CSMD1: variants seen among roughly 807,000 people sequenced by gnomAD.
CSMD1 encodes CUB and Sushi multiple domains 1.
CSMD1 carries 213 observed loss-of-function variants against 417.5 expected under a neutral mutation model. The ratio of observed to expected loss-of-function variants is 0.51; its 90% CI spans 0.46 to 0.57. CSMD1 has a LOEUF of 0.57. Among genes scored for constraint, CSMD1 ranks in the 20% least tolerant of loss-of-function variants. The pLI is 0.00. For missense variants in CSMD1, 6,923 were observed against 4,529.7 expected (o/e 1.53, Z -15.17); for synonymous variants, 2,862 against 1,736.8 (o/e 1.65, Z -16.11).
At chr8:4,109,117 G>A (rs1304954748) in intron 3 of CSMD1, among the ~76,000 whole-genome samples, 1 of 151,990 alleles carries the variant, frequency 6.6e-6, no homozygotes, top group Non-Finnish European at 1.5e-5. Flanking sequence ...ATCATCTCTA[G>A]ATTATTTATA....
chr8:4,218,501 T>C (rs1329769909), intron 3 of CSMD1, among the ~76,000 whole-genome samples: 5 of 152,240 alleles, frequency 3.3e-5, no homozygotes, highest in African/African-American at 1.2e-4. Context: ...CTTTTTCTAA[T>C]AAATAATATT....
intron 3 of CSMD1, among the ~76,000 whole-genome samples, chr8:4,314,016 A>G (rs962407420): frequency 1.5e-4 from 22 of 142,576 alleles, no homozygotes; most frequent in Admixed American, 4.1e-4. Context: ...TCCGTCTCAA[A>G]ATAATAATAA....
chr8:4,314,425 G>C (rs573903941), intron 3 of CSMD1, among the ~76,000 whole-genome samples: 2 of 152,188 alleles, frequency 1.3e-5, no homozygotes, highest in African/African-American at 4.8e-5. Context: ...TTCTATTTCA[G>C]GAAGCAGTAT....
At chr8:4,202,439 A>C (rs1799715041) in intron 3 of CSMD1, among the ~76,000 whole-genome samples, 1 of 152,214 alleles carries the variant, frequency 6.6e-6, no homozygotes, top group Non-Finnish European at 1.5e-5. Context: ...GGTCGTGGAA[A>C]TGTACAAAAT....
chr8:3,626,461 G>A (rs1796498471), intron 7 of CSMD1, among the ~76,000 whole-genome samples: 1 of 152,072 alleles, frequency 6.6e-6, no homozygotes, highest in Non-Finnish European at 1.5e-5. Flanking sequence ...AAAGAAATGG[G>A]AAAAAGTCTT....
intron 3 of CSMD1, among the ~76,000 whole-genome samples, chr8:4,179,236 A>C (rs951803203): frequency 6.6e-6 from 1 of 151,802 alleles, no homozygotes; most frequent in African/African-American, 2.4e-5. Flanking sequence ...AGAGATATAA[A>C]TCAATGGAAC....
At chr8:4,827,163 G>A (rs898085425) in intron 1 of CSMD1, among the ~76,000 whole-genome samples, 2 of 152,216 alleles carry the variant, frequency 1.3e-5, no homozygotes, top group East Asian at 1.9e-4. Context: ...AGGTATACTA[G>A]CAAAGTTTTC....
intron 2 of CSMD1, among the ~76,000 whole-genome samples, chr8:4,439,022 T>C (rs1209147134): frequency 1.3e-5 from 2 of 152,184 alleles, no homozygotes; most frequent in African/African-American, 2.4e-5. Context: ...AACTGAATAA[T>C]AAACTATATT....
chr8:4,885,316 G>A (rs768897747), intron 1 of CSMD1, among the ~76,000 whole-genome samples: 1 of 151,976 alleles, frequency 6.6e-6, no homozygotes, highest in Non-Finnish European at 1.5e-5. Flanking sequence ...TATTCTGGAT[G>A]CCTTGTCTTT....
chr8:3,735,230 C>G lies in CSMD1; in HGVS notation c.931+18700G>C, dbSNP rs779035998. Among the ~76,000 whole-genome samples the G allele has an allele frequency of 4.1e-4, 62 of 152,172 alleles. 1 individual carries two copies. Among genetic ancestry groups the G allele is most frequent in the Non-Finnish European group, 6.6e-4 (45 of 68,034 alleles). ...CCCTGGCTCCTTAATGGCTTTCTGT[C>G]TGATTTGGATATTTAGTGATATTAC... On this transcript the variant is annotated intron_variant, in intron 6 of 69. Transcript: ENST00000635120.
chr8:4,456,559 C>G (rs1202809345), intron 2 of CSMD1, among the ~76,000 whole-genome samples: 1 of 152,116 alleles, frequency 6.6e-6, no homozygotes. Flanking sequence ...TTGGGTAGAA[C>G]TGAAAACAGC....
At chr8:4,331,846 C>T (rs1799885599) in intron 3 of CSMD1, among the ~76,000 whole-genome samples, 1 of 152,062 alleles carries the variant, frequency 6.6e-6, no homozygotes, top group Non-Finnish European at 1.5e-5. Context: ...CCTCATAGCA[C>T]AATCCATTTG....
intron 2 of CSMD1, among the ~76,000 whole-genome samples, chr8:4,510,417 A>AAAAAAAAAAAAAAAAAAAAAC (rs1802757327): frequency 9.1e-6 from 1 of 110,088 alleles, no homozygotes; most frequent in Admixed American, 9.7e-5. Flanking sequence ...AAAAAAAAAA[A>AAAAAAAAAAAAAAAAAAAAAC]AAAAAGCAAA....
chr8:4,816,070 G>C (rs942510740), intron 1 of CSMD1, among the ~76,000 whole-genome samples: 2 of 152,284 alleles, frequency 1.3e-5, no homozygotes, highest in Admixed American at 1.3e-4. Context: ...AGCAGGACTG[G>C]GTTTAGGGAG....
chr8:3,741,875 T>C (rs1267680145), intron 6 of CSMD1, among the ~76,000 whole-genome samples: 1 of 152,172 alleles, frequency 6.6e-6, no homozygotes, highest in African/African-American at 2.4e-5. Flanking sequence ...AAGGTAAAGG[T>C]TCCAATTCCT....
At chr8:4,862,266 T>A (rs1198619889) in intron 1 of CSMD1, among the ~76,000 whole-genome samples, 4 of 151,966 alleles carry the variant, frequency 2.6e-5, no homozygotes, top group Admixed American at 2.0e-4. Flanking sequence ...CTCACAGAGG[T>A]ACTGGGAGCC....
chr8:3,670,567 T>C (rs932491603), intron 7 of CSMD1, among the ~76,000 whole-genome samples: 1 of 147,102 alleles, frequency 6.8e-6, no homozygotes, highest in African/African-American at 2.5e-5. Flanking sequence ...ATATGCGATA[T>C]ATATATATGG....
intron 5 of CSMD1, among the ~76,000 whole-genome samples, chr8:3,802,362 G>C (rs1399015688): frequency 1.3e-5 from 2 of 152,056 alleles, no homozygotes; most frequent in South Asian, 4.1e-4. Context: ...GTGTGCATGT[G>C]CTTATAGAGA....
At chr8:3,808,282 T>C (rs1018889477) in intron 5 of CSMD1, among the ~76,000 whole-genome samples, 2 of 152,226 alleles carry the variant, frequency 1.3e-5, no homozygotes, top group African/African-American at 2.4e-5. Flanking sequence ...AAAGATTTTT[T>C]TCATTGTTGT....
Sources: allele counts gnomAD v4.1 joint callset (sites outside exome capture counted in the v4.1 genomes callset), GRCh38; gene constraint gnomAD v4.1.1; transcripts MANE v1.5; gene names NCBI Gene and HGNC (gene_info 2026-07-23, HGNC 2026-07-21).